Variants in SLC7A14 observed in about 807,000 individuals in gnomAD.
The protein encoded by SLC7A14 is gamma-aminobutyric acid transporter SLC7A14.
Under a neutral mutation model 60.2 loss-of-function variants are expected in SLC7A14, and 37 were observed. That is an observed-to-expected ratio of 0.61 (90% CI 0.47 to 0.81). SLC7A14 has a LOEUF of 0.81. Ranked by LOEUF, SLC7A14 falls within the 30% of genes least tolerant of loss-of-function variation. The probability of loss-of-function intolerance (pLI) is 0.00; values close to 1 mark genes in which losing one functional copy is unlikely to be tolerated. For synonymous variants in SLC7A14, 399 were observed against 395.8 expected, an observed-to-expected ratio of 1.01 and a Z score of -0.10; for missense variants, 886 against 982.7, an observed-to-expected ratio of 0.90 and a Z score of 1.32.
At chr3:170,469,639 C>T (rs1739826472) in intron 7 of SLC7A14, among the ~76,000 whole-genome samples, 1 of 152,144 alleles carries the variant, frequency 6.6e-6, no homozygotes. Flanking sequence ...GAATGGATTT[C>T]AGGCGACCAG....
At chr3:170,477,138 A>T (rs965809558) in intron 7 of SLC7A14, among the ~76,000 whole-genome samples, 1 of 152,254 alleles carries the variant, frequency 6.6e-6, no homozygotes, top group African/African-American at 2.4e-5. Context: ...GAGTCTGCTC[A>T]GAGGCACCCT....
At position 170,558,951 on chromosome 3, in the gene SLC7A14, C is replaced by G. The variant is rs1229470203; in HGVS notation, c.-153+26960G>C. Among the ~76,000 whole-genome samples, 3 of 152,128 alleles carry G rather than the reference C, an allele frequency of 2.0e-5. 1 individual carries two copies. In the East Asian group the frequency reaches 5.8e-4, roughly 29 times the overall value. On this transcript the variant is annotated intron_variant, in intron 1 of 7. Coordinates refer to ENST00000231706, the MANE Select transcript of SLC7A14 (RefSeq NM_020949.3). Reference sequence around the variant, plus strand: ...TTTCCTTGTGTGTGGGCCTGTTAAACTGAAGAATGTGAGCTGTAGATTTTC... The same window carrying G: ...TTTCCTTGTGTGTGGGCCTGTTAAAGTGAAGAATGTGAGCTGTAGATTTTC...
intron 2 of SLC7A14, among the ~76,000 whole-genome samples, chr3:170,506,070 A>G (rs1173714702): frequency 6.6e-6 from 1 of 152,250 alleles, no homozygotes; most frequent in African/African-American, 2.4e-5. Flanking sequence ...TTTCAAAAGT[A>G]CTTATTGATA....
chr3:170,521,700 A>G (rs1438972245), intron 2 of SLC7A14, among the ~76,000 whole-genome samples: 7 of 152,232 alleles, frequency 4.6e-5, no homozygotes. Context: ...AGGCAGGCAG[A>G]TCACGAGGTC....
intron 1 of SLC7A14, among the ~76,000 whole-genome samples, chr3:170,549,308 G>A (rs745729194): frequency 6.1e-5 from 9 of 147,584 alleles, no homozygotes; most frequent in Non-Finnish European, 1.2e-4. Context: ...GCTGCCTCCC[G>A]GGTTCAAGCA....
chr3:170,579,497 A>C (rs905598024), intron 1 of SLC7A14, among the ~76,000 whole-genome samples: 2 of 152,244 alleles, frequency 1.3e-5, no homozygotes, highest in African/African-American at 4.8e-5. Flanking sequence ...ATTGGGTTGG[A>C]ATATTTTGCC....
intron 1 of SLC7A14, among the ~76,000 whole-genome samples, chr3:170,581,222 A>G (rs879680293): frequency 4.6e-5 from 7 of 152,192 alleles, no homozygotes; most frequent in Admixed American, 3.3e-4. Flanking sequence ...TGATTGATCT[A>G]TGAGAATGGA....
chr3:170,501,569 C>A (rs1366514726), intron 2 of SLC7A14, among the ~76,000 whole-genome samples: 2 of 152,196 alleles, frequency 1.3e-5, no homozygotes, highest in African/African-American at 4.8e-5. Context: ...ACTAATTCTA[C>A]TAAACTGTTG....
intron 1 of SLC7A14, among the ~76,000 whole-genome samples, chr3:170,556,322 G>C (rs1489560117): frequency 6.6e-6 from 1 of 152,146 alleles, no homozygotes; most frequent in Non-Finnish European, 1.5e-5. Flanking sequence ...ATAAAGACTG[G>C]GGTCTCGCTG....
At chr3:170,494,584 C>T (rs190912371) in intron 4 of SLC7A14, among the ~76,000 whole-genome samples, 4 of 152,360 alleles carry the variant, frequency 2.6e-5, no homozygotes, top group Admixed American at 1.3e-4. Context: ...AACATTTACA[C>T]AGAGGATATT....
chr3:170,498,436 AT>A (rs898474427), intron 4 of SLC7A14, among the ~76,000 whole-genome samples: 2 of 152,170 alleles, frequency 1.3e-5, no homozygotes, highest in African/African-American at 2.4e-5. Flanking sequence ...TGAATCTATT[AT>A]TATTATTTGT....
chr3:170,496,642 T>C, intron 4 of SLC7A14: 1 of 1,421,904 alleles, frequency 7.0e-7, no homozygotes, highest in Non-Finnish European at 9.9e-7. Flanking sequence ...CCGGCTGGAG[T>C]CTGGGATGCA....
chr3:170,469,442 T>C (rs2108262940), intron 7 of SLC7A14, among the ~76,000 whole-genome samples: 1 of 152,308 alleles, frequency 6.6e-6, no homozygotes, highest in East Asian at 1.9e-4. Context: ...TAGCTATTAG[T>C]GCTCAAATAA....
chr3:170,509,868 C>T (rs1388114461), intron 2 of SLC7A14, among the ~76,000 whole-genome samples: 12 of 151,650 alleles, frequency 7.9e-5, no homozygotes, highest in African/African-American at 2.4e-4. Flanking sequence ...CACCTGAGGT[C>T]GGGAGTTCGA....
chr3:170,526,850 G>C lies in SLC7A14; in HGVS notation c.87C>G (p.Thr29=). The C allele has an allele frequency of 6.2e-7, 1 of 1,614,116 alleles. No homozygotes were observed. Among genetic ancestry groups the C allele is most frequent in the Non-Finnish European group, 8.5e-7 (1 of 1,180,014 alleles). ...CCTCTAGCATGGACTCCACTGGTTTGGTGCGTAGGATCCTGGAGTGCATTG... is the reference window on the plus strand; with the variant it reads ...CCTCTAGCATGGACTCCACTGGTTTCGTGCGTAGGATCCTGGAGTGCATTG... ...WYAMHSRILR[T]KPVESMLEGT... is the part of the protein sequence containing the mutation. Residue 29 remains threonine (T), a synonymous_variant, in exon 2 of 8, where the codon ACC becomes ACG. Coordinates refer to ENST00000231706, the MANE Select transcript of SLC7A14 (RefSeq NM_020949.3).
intron 7 of SLC7A14, among the ~76,000 whole-genome samples, chr3:170,471,452 G>A (rs1739906532): frequency 6.6e-6 from 1 of 152,008 alleles, no homozygotes; most frequent in Admixed American, 6.6e-5. Flanking sequence ...GGTTTAATTT[G>A]TAAATATTTG....
At chr3:170,481,389 CTTT>C (rs61203487) in intron 6 of SLC7A14, among the ~76,000 whole-genome samples, 49,741 of 117,432 alleles carry the variant, frequency 0.42, 9,469 homozygotes, top group Non-Finnish European at 0.52. Flanking sequence ...TCTTTGATTT[CTTT>C]TTTTTTTTTT....
At chr3:170,470,764 G>C (rs549849908) in intron 7 of SLC7A14, among the ~76,000 whole-genome samples, 1 of 152,046 alleles carries the variant, frequency 6.6e-6, no homozygotes, top group African/African-American at 2.4e-5. Context: ...GAAGAGAAAC[G>C]TATTACCATC....
At chr3:170,472,150 C>T (rs1469750351) in intron 7 of SLC7A14, among the ~76,000 whole-genome samples, 3 of 149,328 alleles carry the variant, frequency 2.0e-5, no homozygotes, top group Non-Finnish European at 4.5e-5. Flanking sequence ...AGGTGGATCA[C>T]CTGAGGTCAG....
Sources: gnomAD v4.1 joint callset for allele counts (sites outside exome capture counted in the v4.1 genomes callset) on GRCh38, gnomAD v4.1.1 for gene constraint, MANE v1.5 for transcripts, NCBI Gene and HGNC (gene_info 2026-07-23, HGNC 2026-07-21) for gene names.